CNBD1: variants seen among roughly 807,000 people sequenced by gnomAD.
CNBD1 encodes the protein cyclic nucleotide binding domain containing 1, also known as cyclic nucleotide-binding domain-containing protein 1.
A neutral mutation model predicts 54.4 loss-of-function variants in CNBD1; 71 were observed. That is an observed-to-expected ratio of 1.30 (90% confidence interval 1.08 to 1.59). The LOEUF is 1.59. CNBD1 is among the 40% of genes most tolerant of loss of function. The probability of loss-of-function intolerance (pLI) is 0.00; values close to 1 mark genes in which losing one functional copy is unlikely to be tolerated. For synonymous variants in CNBD1, 182 were observed against 170.7 expected, an observed-to-expected ratio of 1.07 and a Z score of -0.51; for missense variants, 659 against 518.0, an observed-to-expected ratio of 1.27 and a Z score of -2.64.
intron 4 of CNBD1, among the ~76,000 whole-genome samples, chr8:86,963,853 G>T (rs1487589612): frequency 1.3e-5 from 2 of 152,194 alleles, no homozygotes; most frequent in African/African-American, 4.8e-5. Flanking sequence ...CCTGGGACCA[G>T]TCAGTCCTGC....
intron 4 of CNBD1, among the ~76,000 whole-genome samples, chr8:87,120,748 T>A (rs1027150252): frequency 2.0e-5 from 3 of 151,982 alleles, no homozygotes; most frequent in African/African-American, 7.2e-5. Context: ...CAGGTTTTGT[T>A]ATGCTGTTTT....
At chr8:87,388,616 A>G (rs191672128) in intron 2 of CNBD1, among the ~76,000 whole-genome samples, 3 of 152,304 alleles carry the variant, frequency 2.0e-5, no homozygotes, top group Admixed American at 2.0e-4. Flanking sequence ...TTAATAGCTT[A>G]CCAACCAAAA....
At chr8:87,226,549 T>C (rs2130814899) in intron 5 of CNBD1, among the ~76,000 whole-genome samples, 1 of 147,518 alleles carries the variant, frequency 6.8e-6, no homozygotes, top group South Asian at 2.1e-4. Flanking sequence ...AGTTGAGCAG[T>C]TTTGAGTGAG....
intron 5 of CNBD1, among the ~76,000 whole-genome samples, chr8:87,223,496 G>A (rs1429240933): frequency 6.6e-6 from 1 of 151,038 alleles, no homozygotes; most frequent in Non-Finnish European, 1.5e-5. Flanking sequence ...GCAGTGTTTG[G>A]TTTTTTGTTC....
intron 8 of CNBD1, among the ~76,000 whole-genome samples, chr8:87,312,883 G>C (rs1809298052): frequency 6.6e-6 from 1 of 151,974 alleles, no homozygotes; most frequent in South Asian, 2.1e-4. Context: ...GGAGTTTTTA[G>C]GAAGATAGAG....
At position 87,156,406 on chromosome 8, in the gene CNBD1, G is replaced by A. The variant is rs959217544; in HGVS notation, c.432-49587G>A. 7.3e-5 allele frequency among the ~76,000 whole-genome samples: 11 copies of A among 150,382 alleles called. No homozygotes were observed. In the South Asian group the frequency reaches 1.9e-3, roughly 26 times the overall value. On this transcript the variant is annotated intron_variant, in intron 4 of 10. Coordinates refer to ENST00000518476, the MANE Select transcript of CNBD1 (RefSeq NM_173538.3). ...ATTACAGGCACGTACCATCATACCC[G>A]GCTACATTTTTTTATTTTTAATAGA...
chr8:86,891,262 G>A (rs1001453754), intron 2 of CNBD1, among the ~76,000 whole-genome samples: 2 of 152,046 alleles, frequency 1.3e-5, no homozygotes, highest in South Asian at 4.1e-4. Flanking sequence ...GTTTATTTTT[G>A]TATATGGTGA....
chr8:87,065,583 C>T (rs145726046), intron 4 of CNBD1, among the ~76,000 whole-genome samples: 1 of 152,074 alleles, frequency 6.6e-6, no homozygotes, highest in African/African-American at 2.4e-5. Context: ...ACTAGGCACA[C>T]TCTTAGCAGG....
chr8:87,419,204 A>T (rs1024072619), intron 2 of CNBD1, among the ~76,000 whole-genome samples: 1 of 152,004 alleles, frequency 6.6e-6, no homozygotes, highest in Non-Finnish European at 1.5e-5. Flanking sequence ...TACATATTGT[A>T]CGACTGCATT....
intron 2 of CNBD1, among the ~76,000 whole-genome samples, chr8:87,406,643 C>T (rs1199437991): frequency 6.6e-6 from 1 of 151,974 alleles, no homozygotes; most frequent in Non-Finnish European, 1.5e-5. Context: ...CCACGCCCAT[C>T]TAATTTTTGT....
rs555551677 is a variant in CNBD1, at chr8:87,357,704, G to T, written c.1303+3918G>T. On this transcript the variant is annotated intron_variant, in intron 10 of 10. Coordinates refer to ENST00000518476, the MANE Select transcript of CNBD1 (RefSeq NM_173538.3). Reference sequence around the variant, plus strand: ...ACTTTGGACTTTTGAGTTGATGCTAGAATGAGTTAAGACCAGGGGACTGTT... The same window carrying T: ...ACTTTGGACTTTTGAGTTGATGCTATAATGAGTTAAGACCAGGGGACTGTT... 5.9e-5 allele frequency among the ~76,000 whole-genome samples: 9 copies of T among 152,268 alleles called. No homozygotes were observed. In the East Asian group the frequency reaches 1.7e-3, roughly 29 times the overall value.
At chr8:86,899,484 G>A (rs916725717) in intron 2 of CNBD1, among the ~76,000 whole-genome samples, 7 of 152,164 alleles carry the variant, frequency 4.6e-5, no homozygotes, top group African/African-American at 1.7e-4. Flanking sequence ...AAAAATATAT[G>A]TAATTTTCAA....
chr8:87,314,943 A>C (rs1809351258), intron 8 of CNBD1, among the ~76,000 whole-genome samples: 1 of 152,114 alleles, frequency 6.6e-6, no homozygotes, highest in Non-Finnish European at 1.5e-5. Context: ...GTCTTTTATC[A>C]CTAAATTCAT....
At chr8:87,221,589 T>A (rs1814340674) in intron 5 of CNBD1, among the ~76,000 whole-genome samples, 1 of 152,154 alleles carries the variant, frequency 6.6e-6, no homozygotes. Context: ...CAGACACAAT[T>A]TATTTCTTCT....
intron 3 of CNBD1, among the ~76,000 whole-genome samples, chr8:86,938,984 T>C (rs1586148769): frequency 6.6e-6 from 1 of 152,226 alleles, no homozygotes; most frequent in South Asian, 2.1e-4. Context: ...ACTATTTTTT[T>C]CTTAAACACA....
At chr8:86,928,254 T>C (rs1474718874) in intron 3 of CNBD1, among the ~76,000 whole-genome samples, 1 of 152,202 alleles carries the variant, frequency 6.6e-6, no homozygotes, top group East Asian at 1.9e-4. Context: ...GAAAATGTCA[T>C]CCATACAGCA....
chr8:87,339,772 G>A (rs1810027648), intron 8 of CNBD1, among the ~76,000 whole-genome samples: 1 of 151,870 alleles, frequency 6.6e-6, no homozygotes, highest in Non-Finnish European at 1.5e-5. Context: ...CAATTTAAGT[G>A]CAATTACATA....
intron 4 of CNBD1, among the ~76,000 whole-genome samples, chr8:87,142,127 G>T (rs1812382862): frequency 6.6e-6 from 1 of 152,126 alleles, no homozygotes; most frequent in South Asian, 2.1e-4. Flanking sequence ...AAGTAGAGAA[G>T]AGAGAAAAAG....
intron 4 of CNBD1, among the ~76,000 whole-genome samples, chr8:87,127,370 T>C (rs1343116678): frequency 6.6e-6 from 1 of 152,178 alleles, no homozygotes; most frequent in Non-Finnish European, 1.5e-5. Context: ...TTAAGTCTTG[T>C]ACATCTTTTG....
Sources: gnomAD v4.1 joint callset for allele counts (sites outside exome capture counted in the v4.1 genomes callset) on GRCh38, gnomAD v4.1.1 for gene constraint, MANE v1.5 for transcripts, NCBI Gene and HGNC (gene_info 2026-07-23, HGNC 2026-07-21) for gene names.